Variants in CDH26 observed in about 807,000 individuals in gnomAD.
The protein encoded by CDH26 is cadherin-like protein 26.
In CDH26, 83 loss-of-function variants were observed where a neutral mutation model predicts 90.3. The ratio of observed to expected loss-of-function variants is 0.92; its 90% CI spans 0.77 to 1.10. The LOEUF (loss-of-function observed/expected upper bound fraction) is 1.10. CDH26 is among the 50% of genes least tolerant of loss of function. The probability of loss-of-function intolerance (pLI) is 0.00; values close to 1 mark genes in which losing one functional copy is unlikely to be tolerated. For missense variants in CDH26, 1,013 were observed against 1,037.6 expected, an observed-to-expected ratio of 0.98 and a Z score of 0.33; for synonymous variants, 397 against 396.3, an observed-to-expected ratio of 1.00 and a Z score of -0.02.
At chr20:59,990,852 C>A (rs2061519375) in intron 9 of CDH26, among the ~76,000 whole-genome samples, 1 of 151,334 alleles carries the variant, frequency 6.6e-6, no homozygotes, top group Non-Finnish European at 1.5e-5. Flanking sequence ...GGCCCCACCC[C>A]TACAATTTCT....
intron 1 of CDH26, 99 bp downstream of exon 1, chr20:59,958,894 G>T: frequency 1.6e-6 from 2 of 1,216,440 alleles, no homozygotes; most frequent in Non-Finnish European, 2.3e-6. Flanking sequence ...GAGAGGGACT[G>T]AGTGTGACCT....
At chr20:59,967,388 G>T (rs1230746650) in intron 1 of CDH26, among the ~76,000 whole-genome samples, 1 of 152,138 alleles carries the variant, frequency 6.6e-6, no homozygotes, top group Non-Finnish European at 1.5e-5. Flanking sequence ...TGTATAACAA[G>T]AAAAGGTTTT....
chr20:60,026,390 T>TAGAG (rs60922926), intron 7 of CDH26, among the ~76,000 whole-genome samples: 9,434 of 139,198 alleles, frequency 0.068, 367 homozygotes, highest in East Asian at 0.17. Flanking sequence ...TGGCTGGAGT[T>TAGAG]AGAGAGAGAG....
At chr20:59,989,459 C>A (rs922931314) in intron 9 of CDH26, among the ~76,000 whole-genome samples, 22 of 147,128 alleles carry the variant, frequency 1.5e-4, no homozygotes, top group African/African-American at 5.6e-4. Context: ...ACCCGGGAAG[C>A]GGAGCTTGCA....
chr20:59,960,987 A>G (rs185615092), intron 1 of CDH26, among the ~76,000 whole-genome samples: 5 of 152,380 alleles, frequency 3.3e-5, no homozygotes, highest in Non-Finnish European at 5.9e-5. Context: ...CTGAAAGTGG[A>G]TAACTTGTTT....
Position 59,996,501 on chromosome 20 carries a change from C to G in CDH26, c.1889-130C>G, listed in dbSNP as rs2061598539. ...AACTGTGCTGAACTTTATAGCTACA[C>G]AGATGACTAAGACGCAATTTGGCCT... On this transcript the variant is annotated intron_variant, in intron 12 of 17. Transcript: ENST00000348616. 2.2e-5 allele frequency: 35 copies of G among 1,612,804 alleles called. No homozygotes were observed. In the South Asian group the frequency reaches 3.7e-4, roughly 17 times the overall value.
chr20:60,028,745 G>T (rs964288084), intron 7 of CDH26, among the ~76,000 whole-genome samples: 1 of 152,112 alleles, frequency 6.6e-6, no homozygotes, highest in Non-Finnish European at 1.5e-5. Context: ...AATGTAAAAT[G>T]GTACTGCTGC....
At chr20:60,015,622 G>T (rs548701006), downstream of CDH26, among the ~76,000 whole-genome samples, 2 of 146,082 alleles carry the variant, frequency 1.4e-5, no homozygotes, top group Non-Finnish European at 3.0e-5. Context: ...AAAATTTTTC[G>T]TTTGATATAA....
chr20:59,982,962 G>T lies in CDH26; in HGVS notation c.433G>T (p.Val145Leu). ...TGTGGAGCGCTCAACAGGAAAAATT[G>T]TGGATACATCCTTGATTTTCAACAT... ...DVVERSTGKI[V>L]DTSLIFNIRI... The change falls in exon 5 of 18, where the codon GTG (valine) becomes TTG (leucine). Residue 145 changes from valine to leucine, a missense_variant. Transcript: ENST00000348616. 6.2e-7 allele frequency: 1 copy of T among 1,614,032 alleles called. No homozygotes were observed. Among genetic ancestry groups the T allele is most frequent in the African/African-American group, 1.3e-5 (1 of 75,038 alleles).
Position 60,011,771 on chromosome 20 carries a change from G to A in CDH26, c.2296-756G>A, listed in dbSNP as rs1006573438. Among the ~76,000 whole-genome samples the A allele has an allele frequency of 3.3e-5, 5 of 152,176 alleles. No individual in the cohort carries two copies. The East Asian group carries it at 9.6e-4, about 29-fold the overall frequency. ...CGAGCATTGAGGGAGGGACGTGGGAGGAGGAGATGTAGGTTGTGGGCAAAA... is the reference window on the plus strand; with the variant it reads ...CGAGCATTGAGGGAGGGACGTGGGAAGAGGAGATGTAGGTTGTGGGCAAAA... On this transcript the variant is annotated intron_variant, in intron 17 of 17. Coordinates refer to ENST00000348616, the MANE Select transcript of CDH26 (RefSeq NM_177980.4).
At chr20:60,001,238 G>A in intron 14 of CDH26, 105 bp from the exon 15 acceptor site, 1 of 1,364,068 alleles carries the variant, frequency 7.3e-7, no homozygotes, top group Non-Finnish European at 1.0e-6. Context: ...GTTTGCCTAT[G>A]AATATATGAG....
intron 2 of CDH26, 23 bp downstream of exon 2, chr20:59,969,046 T>C (rs1356133099): frequency 5.0e-5 from 76 of 1,522,712 alleles, no homozygotes; most frequent in Non-Finnish European, 6.7e-5. Flanking sequence ...AGTCAGTTTC[T>C]TAATATATAA....
chr20:59,974,240 GT>G (rs879916107), intron 4 of CDH26, among the ~76,000 whole-genome samples: 21 of 151,784 alleles, frequency 1.4e-4, no homozygotes, highest in Admixed American at 3.3e-4. Context: ...TTTTAATGGG[GT>G]TTTTTTTCTT....
At chr20:59,987,332 C>G in intron 7 of CDH26, 121 bp from the exon 8 acceptor site, 1 of 811,322 alleles carries the variant, frequency 1.2e-6, no homozygotes, top group Non-Finnish European at 1.9e-6. Flanking sequence ...TGATGAGGAG[C>G]AACATTCTTT....
chr20:59,984,837 A>T (rs767589540), intron 6 of CDH26, 32 bp downstream of exon 6: 2 of 1,590,440 alleles, frequency 1.3e-6, no homozygotes, highest in Non-Finnish European at 1.7e-6. Context: ...TTTTTAAATG[A>T]AATGTGTGGC....
At chr20:60,012,411 CG>C in intron 17 of CDH26, 115 bp from the exon 18 acceptor site, 1 of 905,958 alleles carries the variant, frequency 1.1e-6, no homozygotes. Flanking sequence ...GCTGAGGACA[CG>C]GGGCCTGAGT....
At chr20:60,031,210 C>A (rs1355350921) in intron 7 of CDH26, 1 of 1,133,272 alleles carries the variant, frequency 8.8e-7, no homozygotes, top group East Asian at 8.2e-5. Flanking sequence ...CTAATGAGCA[C>A]CTCTTACCTG....
At chr20:60,020,885 C>CTA (rs2061946449) in intron 7 of CDH26, among the ~76,000 whole-genome samples, 2 of 152,154 alleles carry the variant, frequency 1.3e-5, no homozygotes, top group Admixed American at 1.3e-4. Context: ...TTTGCAGTGG[C>CTA]AATAGGGACT....
At chr20:60,018,758 G>C (rs374913221), downstream of CDH26, among the ~76,000 whole-genome samples, 3 of 36,898 alleles carry the variant, frequency 8.1e-5, no homozygotes, top group African/African-American at 3.4e-4. Context: ...GTTTCCTGTA[G>C]TGATGAGCTT....
Sources: gnomAD v4.1 joint callset for allele counts (sites outside exome capture counted in the v4.1 genomes callset) on GRCh38, gnomAD v4.1.1 for gene constraint, MANE v1.5 for transcripts, NCBI Gene and HGNC (gene_info 2026-07-23, HGNC 2026-07-21) for gene names.